The following ZNF48 variants were observed in gnomAD, a reference collection of about 807,000 sequenced individuals.
ZNF48 encodes zinc finger protein 553.
A neutral mutation model predicts 40.0 loss-of-function variants in ZNF48; 20 were observed. That is an observed-to-expected ratio of 0.50 (90% confidence interval 0.35 to 0.73). ZNF48 has a LOEUF of 0.73. Among genes scored for constraint, ZNF48 ranks in the 30% least tolerant of loss-of-function variants. The pLI, the probability that ZNF48 is intolerant of heterozygous loss-of-function variation, is 0.01. For synonymous variants in ZNF48, 298 were observed against 329.7 expected, an observed-to-expected ratio of 0.90 and a Z score of 1.04; for missense variants, 726 against 851.9, an observed-to-expected ratio of 0.85 and a Z score of 1.84.
Position 30,381,212 on chromosome 16 carries a change from G to A in ZNF48, c.-16+2802G>A. 3.1e-6 allele frequency: 5 copies of A among 1,614,038 alleles called. No individual in the cohort carries two copies. Among genetic ancestry groups the A allele is most frequent in the Non-Finnish European group, 4.2e-6 (5 of 1,180,010 alleles). On this transcript the variant is annotated intron_variant, in intron 1 of 2. Transcript: ENST00000528032. The surrounding 1 kb of genome is among the most constrained non-coding windows in gnomAD (Gnocchi z 4.3). ...GATGATGTTGACTTTCTCGTGTACT[G>A]CCCGGAGGAAGGCCACATCTAGGGG...
At chr16:30,391,430 C>T (rs573058182), upstream of ZNF48, among the ~76,000 whole-genome samples, 33 of 150,274 alleles carry the variant, frequency 2.2e-4, no homozygotes, top group Non-Finnish European at 3.4e-4. Context: ...CCTCATGATC[C>T]GCCCGCCTCA....
chr16:30,390,618 T>G (rs866035621), upstream of ZNF48, among the ~76,000 whole-genome samples: 232 of 58,618 alleles, frequency 4.0e-3, 9 homozygotes, highest in African/African-American at 8.1e-3. Context: ...TTTTTTTTTT[T>G]TTTTTTTTTT....
At position 30,395,546 on chromosome 16, in the gene ZNF48, G is replaced by A; in HGVS notation, c.-48G>A. The A allele has an allele frequency of 4.5e-6, 1 of 221,698 alleles. No homozygotes were observed. The allele number at this position is 221,698 out of a possible 1,614,324, so 13.7% of individuals were successfully genotyped here. A position where few individuals can be genotyped will look rare whatever the true frequency, so the allele number is the denominator to read the frequency against. On this transcript the variant is annotated 5_prime_UTR_variant, in exon 1 of 3. Coordinates refer to ENST00000613509, the MANE Select transcript of ZNF48 (RefSeq NM_001214909.2). The surrounding 1 kb of genome is among the most constrained non-coding windows in gnomAD (Gnocchi z 5.9). The stretch of plus-strand genomic sequence containing the variant: ...ACCCCGCTGAGGAGCTCCGGAGGGC[G>A]CCGGGGTGGCGGAGCCGGAGGCGGC...
At chr16:30,378,349 GGGGCGCT>G in exon 1 of ZNF48, 1 of 1,310,126 alleles carries the variant, frequency 7.6e-7, no homozygotes, top group Non-Finnish European at 1.0e-6. Flanking sequence ...GAGGTCCCGG[GGGGCGCT>G]GGGCAGTGTG....
chr16:30,390,121 C>T (rs1371083656), intron 1 of ZNF48, among the ~76,000 whole-genome samples: 3 of 151,768 alleles, frequency 2.0e-5, no homozygotes, highest in Non-Finnish European at 4.4e-5. Context: ...ATGCCCAGCC[C>T]GTATTAGTTC....
upstream of ZNF48, among the ~76,000 whole-genome samples, chr16:30,393,847 C>G (rs1221609683): frequency 1.3e-5 from 2 of 152,100 alleles, no homozygotes; most frequent in Non-Finnish European, 2.9e-5. Flanking sequence ...TCCAGTGTAG[C>G]CAGGACCACA....
Position 30,397,364 on chromosome 16 carries a change from T to A in ZNF48, c.114T>A (p.Asn38Lys). 6.2e-7 allele frequency: 1 copy of A among 1,613,818 alleles called. No homozygotes were observed. Among genetic ancestry groups the A allele is most frequent in the Non-Finnish European group, 8.5e-7 (1 of 1,179,864 alleles). ...LGSENVISQP[N>K]EFEHTPQEDD... ...GTGAGAACGTGATTTCTCAGCCGAA[T>A]GAGTTTGAACATACCCCACAGGAAG... The change falls in exon 3 of 3, where the codon AAT becomes AAA. Residue 38 changes from asparagine (N) to lysine (K), a missense_variant. Coordinates refer to ENST00000613509, the MANE Select transcript of ZNF48 (RefSeq NM_001214909.2). This position sits in a 1 kb window ranked among gnomAD's most constrained non-coding sequence, Gnocchi z 4.1.
chr16:30,385,615 C>A (rs1393692040), intron 1 of ZNF48, among the ~76,000 whole-genome samples: 1 of 151,784 alleles, frequency 6.6e-6, no homozygotes, highest in Non-Finnish European at 1.5e-5. Flanking sequence ...CAGAGCAAGA[C>A]TCTGTCTCAA....
At chr16:30,396,066 C>G (rs2049982522) in intron 2 of ZNF48, 193 bp downstream of exon 2, 1 of 499,170 alleles carries the variant, frequency 2.0e-6, no homozygotes, top group Non-Finnish European at 3.5e-6. Context: ...TGTCCCCTCC[C>G]TCACGGCCTT....
intron 1 of ZNF48, among the ~76,000 whole-genome samples, chr16:30,384,666 C>T (rs1259824735): frequency 6.6e-6 from 1 of 151,714 alleles, no homozygotes; most frequent in Non-Finnish European, 1.5e-5. Flanking sequence ...CACTTGAGGC[C>T]AGGAGTTCGA....
At chr16:30,395,292 A>T (rs750526268), upstream of ZNF48, 10 of 455,758 alleles carry the variant, frequency 2.2e-5, no homozygotes, top group South Asian at 1.5e-4. The surrounding 1 kb of genome is among the most constrained non-coding windows in gnomAD (Gnocchi z 5.9). Context: ...GGCTTAGAGT[A>T]GCCCCTGGGC....
intron 1 of ZNF48, chr16:30,379,374 G>A: frequency 2.0e-6 from 3 of 1,492,918 alleles, no homozygotes; most frequent in South Asian, 2.3e-5. Flanking sequence ...TGTTGAGTGC[G>A]CCTGACCCAG....
In ZNF48 at chr16:30,378,381, G is replaced by T. The variant is rs1027151814; in HGVS notation, c.-45G>T. ...TGGGCAGTGTGGGGCGCGGGGATTG[G>T]ACAAGAGGCCGACTGAAGGCGGAGC... On this transcript the variant is annotated 5_prime_UTR_variant, in exon 1 of 3. Coordinates refer to the ZNF48 transcript ENST00000528032. 17 of 1,485,528 alleles carry T rather than the reference G, an allele frequency of 1.1e-5. No individual in the cohort carries two copies. The South Asian group carries it at 2.1e-4, about 19-fold the overall frequency. 92.0% of individuals were successfully genotyped at this position (1,485,528 alleles called of 1,614,324 possible). A position where few individuals can be genotyped will look rare whatever the true frequency, so the allele number is the denominator to read the frequency against.
rs200931464 is a variant in ZNF48 at position 30,381,098 on chromosome 16, G to A, written c.-16+2688G>A. On this transcript the variant is annotated intron_variant, in intron 1 of 2. Transcript: ENST00000528032. This position sits in a 1 kb window ranked among gnomAD's most constrained non-coding sequence, Gnocchi z 4.3. Reference sequence around the variant, plus strand: ...TGAAATCAGGTTTGGCTTCACATGGGGTCAAAGGTCAGAGGTCATCACTCA... The same window carrying A: ...TGAAATCAGGTTTGGCTTCACATGGAGTCAAAGGTCAGAGGTCATCACTCA... The A allele has an allele frequency of 9.0e-6, 14 of 1,550,536 alleles. No homozygotes were observed. The highest frequency in any genetic ancestry group is 2.2e-5 in the East Asian group (1 of 44,598).
chr16:30,395,927 C>T lies in ZNF48; in HGVS notation c.79+54C>T. ...GACAGGTAACGGCCGGTGGGGACTG[C>T]GATGCTTGGCTGTGGCCGGCCGAGA... On this transcript the variant is annotated intron_variant, in intron 2 of 2. Transcript: ENST00000613509. The surrounding 1 kb of genome is among the most constrained non-coding windows in gnomAD (Gnocchi z 5.9). 7.0e-7 allele frequency: 1 copy of T among 1,434,542 alleles called. No homozygotes were observed. The highest frequency in any genetic ancestry group is 1.3e-5 in the South Asian group (1 of 74,394). The allele number at this position is 1,434,542 out of a possible 1,614,324, so 88.9% of individuals were successfully genotyped here.
rs777316246 is a variant in ZNF48 at position 30,398,207 on chromosome 16, G to A, written c.957G>A (p.Val319=). ...GKEFARGSDL[V]KHLRVHTGEK... ...AGTTTGCCCGGGGATCCGACCTGGT[G>A]AAGCACCTGCGGGTGCACACGGGTG... is the stretch of plus-strand genomic sequence containing the variant. The change falls in exon 3 of 3, where the codon GTG becomes GTA. Residue 319 remains valine, a synonymous_variant. Transcript: ENST00000613509. The surrounding 1 kb of genome is among the most constrained non-coding windows in gnomAD (Gnocchi z 6.6). The A allele has an allele frequency of 1.9e-6, 3 of 1,613,938 alleles. No individual in the cohort carries two copies. The highest frequency in any genetic ancestry group is 1.7e-5 in the Admixed American group (1 of 60,026).
At chr16:30,393,923 G>C (rs998765284), upstream of ZNF48, among the ~76,000 whole-genome samples, 4 of 150,154 alleles carry the variant, frequency 2.7e-5, no homozygotes, top group African/African-American at 9.8e-5. Flanking sequence ...CCACTTTTTT[G>C]CCTAGGCTGG....
intron 1 of ZNF48, chr16:30,380,060 T>C (rs2049823962): frequency 6.3e-7 from 1 of 1,580,744 alleles, no homozygotes; most frequent in African/African-American, 1.4e-5. Flanking sequence ...ATAGAGACAG[T>C]GTGAAACGGG....
upstream of ZNF48, among the ~76,000 whole-genome samples, chr16:30,390,845 C>T (rs1242352884): frequency 2.0e-5 from 3 of 151,822 alleles, no homozygotes; most frequent in Admixed American, 1.3e-4. Context: ...AGGATGCTCT[C>T]GATCTCCTGA....
Sources: gnomAD v4.1 joint callset for allele counts (sites outside exome capture counted in the v4.1 genomes callset) on GRCh38, gnomAD v4.1.1 for gene constraint, Gnocchi (gnomAD v3.1) non-coding constraint, MANE v1.5 for transcripts, NCBI Gene and HGNC (gene_info 2026-07-23, HGNC 2026-07-21) for gene names.